The following GPR176 variants were observed in gnomAD, a reference collection of about 807,000 sequenced individuals.
GPR176 encodes G protein-coupled receptor 176, also known as G-protein coupled receptor 176.
In GPR176, 26 loss-of-function variants were observed where a neutral mutation model predicts 35.4. The observed-to-expected ratio is 0.74, with a 90% CI of 0.54 to 1.02. The LOEUF (loss-of-function observed/expected upper bound fraction) is 1.02. Ranked by LOEUF, GPR176 falls within the 50% of genes least tolerant of loss-of-function variation. The pLI is 0.00. For missense variants in GPR176, 597 were observed against 665.3 expected, an observed-to-expected ratio of 0.90 and a Z score of 1.13; for synonymous variants, 278 against 271.3, an observed-to-expected ratio of 1.02 and a Z score of -0.24.
At chr15:39,918,441 G>A (rs2033783436) in intron 1 of GPR176, among the ~76,000 whole-genome samples, 1 of 152,096 alleles carries the variant, frequency 6.6e-6, no homozygotes, top group African/African-American at 2.4e-5. Context: ...ATACATGTAT[G>A]TATGAATGTA....
chr15:39,848,878 G>A (rs1325019095), intron 1 of GPR176, among the ~76,000 whole-genome samples: 2 of 128,928 alleles, frequency 1.6e-5, no homozygotes, highest in Admixed American at 8.1e-5. Context: ...AAATGTCTCA[G>A]ATAAGCTCCC....
chr15:39,848,164 G>A (rs560280552), intron 1 of GPR176, among the ~76,000 whole-genome samples: 2 of 152,070 alleles, frequency 1.3e-5, no homozygotes, highest in East Asian at 3.9e-4. Context: ...CATGAGATTT[G>A]GGTAAGGACA....
At chr15:39,884,780 C>T (rs1049808707) in intron 1 of GPR176, among the ~76,000 whole-genome samples, 1 of 152,182 alleles carries the variant, frequency 6.6e-6, no homozygotes, top group Non-Finnish European at 1.5e-5. Context: ...TTCAGAGCTC[C>T]ACCCAGTAAA....
chr15:39,827,868 G>A (rs1021921919), intron 1 of GPR176, among the ~76,000 whole-genome samples: 1 of 152,202 alleles, frequency 6.6e-6, no homozygotes, highest in Non-Finnish European at 1.5e-5. Flanking sequence ...GTTTGTTGAA[G>A]GGTTGTTGAC....
intron 1 of GPR176, among the ~76,000 whole-genome samples, chr15:39,833,763 T>C (rs1302525457): frequency 6.6e-6 from 1 of 152,172 alleles, no homozygotes; most frequent in Non-Finnish European, 1.5e-5. Flanking sequence ...TAATTACACT[T>C]CCCTTAAAGG....
intron 1 of GPR176, among the ~76,000 whole-genome samples, chr15:39,908,551 T>C (rs1313693850): frequency 1.8e-5 from 2 of 108,736 alleles, no homozygotes; most frequent in African/African-American, 8.9e-5. Flanking sequence ...GGAGATTTTC[T>C]TTTTTTTTTT....
At chr15:39,827,341 T>C (rs1317254625) in intron 1 of GPR176, among the ~76,000 whole-genome samples, 1 of 152,174 alleles carries the variant, frequency 6.6e-6, no homozygotes, top group African/African-American at 2.4e-5. Context: ...CTGTGCCCTC[T>C]CCAGACTGGC....
chr15:39,863,172 G>A (rs2031680951), intron 1 of GPR176, among the ~76,000 whole-genome samples: 1 of 151,160 alleles, frequency 6.6e-6, no homozygotes, highest in Admixed American at 6.6e-5. Context: ...CCATTCTCCT[G>A]GGTTCATGCC....
At position 39,910,309 on chromosome 15, in the gene GPR176, C is replaced by T. The variant is rs73399200; in HGVS notation, c.172+9546G>A. Among the ~76,000 whole-genome samples, 872 of 152,266 alleles carry T rather than the reference C, an allele frequency of 5.7e-3. 7 individuals carry two copies. Among genetic ancestry groups the T allele is most frequent in the African/African-American group, 0.019 (791 of 41,548 alleles). The stretch of plus-strand genomic sequence containing the variant: ...GGTATCAATTGGTAAAAACTTCAGC[C>T]GGGCATGGTGGCTCATGCCTGTAAT... On this transcript the variant is annotated intron_variant, in intron 1 of 2. Coordinates refer to ENST00000561100, the MANE Select transcript of GPR176 (RefSeq NM_007223.3).
At chr15:39,869,737 A>G (rs930356842) in intron 1 of GPR176, among the ~76,000 whole-genome samples, 1 of 152,034 alleles carries the variant, frequency 6.6e-6, no homozygotes, top group Non-Finnish European at 1.5e-5. Context: ...TTAATCCTTT[A>G]CCCCAATCAC....
chr15:39,883,337 C>T (rs1452055520), intron 1 of GPR176, among the ~76,000 whole-genome samples: 1 of 151,986 alleles, frequency 6.6e-6, no homozygotes, highest in Non-Finnish European at 1.5e-5. Flanking sequence ...CTATCTTTCA[C>T]TGATATGAGA....
At chr15:39,912,409 G>A (rs1352671310) in intron 1 of GPR176, among the ~76,000 whole-genome samples, 4 of 151,728 alleles carry the variant, frequency 2.6e-5, no homozygotes, top group Non-Finnish European at 5.9e-5. Context: ...TTGAGCCCAG[G>A]AATTCCAGAC....
chr15:39,801,200 C>G lies in GPR176; in HGVS notation c.1480G>C (p.Val494Leu). The change falls in exon 3 of 3, where the codon GTA (valine) becomes CTA (leucine). Residue 494 changes from valine to leucine, a missense_variant. Transcript: ENST00000561100. ...EELIQTKVPK[V>L]GRVERKMSRN... ...CTCATCTTCCGCTCCACCCTGCCTA[C>G]CTTGGGCACCTTTGTCTGGATCAGC... 2 of 1,614,156 alleles carry G rather than the reference C, an allele frequency of 1.2e-6. No homozygotes were observed. The highest frequency in any genetic ancestry group is 1.7e-6 in the Non-Finnish European group (2 of 1,179,974).
chr15:39,802,822 G>A (rs1482058276), intron 2 of GPR176, among the ~76,000 whole-genome samples: 6 of 152,186 alleles, frequency 3.9e-5, no homozygotes, highest in Non-Finnish European at 5.9e-5. Context: ...AATGGACTCC[G>A]ACAAGGTCCT....
intron 1 of GPR176, among the ~76,000 whole-genome samples, chr15:39,884,587 C>G (rs1015816845): frequency 6.6e-6 from 1 of 152,194 alleles, no homozygotes; most frequent in Non-Finnish European, 1.5e-5. Context: ...CTAATTTCCT[C>G]CCTGCCATTC....
At chr15:39,898,791 T>A (rs1415408249) in intron 1 of GPR176, among the ~76,000 whole-genome samples, 1 of 151,958 alleles carries the variant, frequency 6.6e-6, no homozygotes, top group Non-Finnish European at 1.5e-5. Flanking sequence ...AATGGAAGTA[T>A]AAAATTTAAG....
At chr15:39,852,581 C>T (rs2030946584) in intron 1 of GPR176, among the ~76,000 whole-genome samples, 1 of 152,118 alleles carries the variant, frequency 6.6e-6, no homozygotes, top group Non-Finnish European at 1.5e-5. Context: ...TAGAGGAATC[C>T]CAGATGGGTC....
chr15:39,901,459 G>C (rs975387201), intron 1 of GPR176, among the ~76,000 whole-genome samples: 1 of 152,112 alleles, frequency 6.6e-6, no homozygotes, highest in African/African-American at 2.4e-5. Context: ...GTTATTAAAA[G>C]ATGGGTAGGA....
chr15:39,901,376 G>A (rs938778920), intron 1 of GPR176, among the ~76,000 whole-genome samples: 34 of 152,118 alleles, frequency 2.2e-4, no homozygotes, highest in African/African-American at 8.0e-4. Flanking sequence ...GTCAGATTAC[G>A]GAAGGGGCCC....
Sources: allele counts gnomAD v4.1 joint callset (sites outside exome capture counted in the v4.1 genomes callset), GRCh38; gene constraint gnomAD v4.1.1; transcripts MANE v1.5; gene names NCBI Gene and HGNC (gene_info 2026-07-23, HGNC 2026-07-21).